The following ARK2C variants were observed in gnomAD, a reference collection of about 807,000 sequenced individuals.
ARK2C encodes the protein arkadia (RNF111) C-terminal like ring finger ubiquitin ligase 2C.
At chr18:46,393,477 G>A in the ARK2C span, among the ~76,000 whole-genome samples, 1 of 152,158 alleles carries the variant, frequency 6.6e-6, no homozygotes, top group Non-Finnish European at 1.5e-5. Flanking sequence ...AAATGGGGCT[G>A]GGAGGCTTCC....
the ARK2C span, chr18:46,450,930 C>T: frequency 3.0e-6 from 2 of 671,754 alleles, no homozygotes; most frequent in South Asian, 1.8e-5. Flanking sequence ...GTTAGATGCT[C>T]TAAAGCTGTA....
At chr18:46,372,079 A>C in the ARK2C span, among the ~76,000 whole-genome samples, 6 of 152,160 alleles carry the variant, frequency 3.9e-5, no homozygotes, top group African/African-American at 1.4e-4. Context: ...GAAGAAAGGG[A>C]CTGGCATCCA....
At chr18:46,462,084 T>G in the ARK2C span, 1 of 152,346 alleles carries the variant, frequency 6.6e-6, no homozygotes, top group Non-Finnish European at 1.5e-5. Flanking sequence ...TGCGTCTCCC[T>G]CTGCCTTTGC....
chr18:46,388,504 GAC>G, the ARK2C span, among the ~76,000 whole-genome samples: 1 of 152,160 alleles, frequency 6.6e-6, no homozygotes, highest in African/African-American at 2.4e-5. Flanking sequence ...CGGGCAGCAA[GAC>G]ACACACAACT....
the ARK2C span, among the ~76,000 whole-genome samples, chr18:46,393,615 G>C: frequency 4.6e-5 from 7 of 152,116 alleles, no homozygotes; most frequent in Admixed American, 3.3e-4. Flanking sequence ...AGACCACTAA[G>C]GTCTAAGGTC....
the ARK2C span, among the ~76,000 whole-genome samples, chr18:46,384,173 G>T: frequency 6.6e-6 from 1 of 152,196 alleles, no homozygotes; most frequent in African/African-American, 2.4e-5. Flanking sequence ...CCCCGGCCGT[G>T]CTTCCAGCCC....
the ARK2C span, among the ~76,000 whole-genome samples, chr18:46,405,413 G>A: frequency 2.0e-5 from 3 of 152,284 alleles, no homozygotes; most frequent in East Asian, 5.8e-4. Flanking sequence ...CAGACAGACA[G>A]TGGGAACAGT....
At chr18:46,388,479 C>T in the ARK2C span, among the ~76,000 whole-genome samples, 6 of 152,148 alleles carry the variant, frequency 3.9e-5, no homozygotes, top group Non-Finnish European at 7.4e-5. Context: ...GGGACCTGCA[C>T]GTTTAGCAGG....
chr18:46,389,379 T>C, the ARK2C span, among the ~76,000 whole-genome samples: 7 of 152,340 alleles, frequency 4.6e-5, no homozygotes, highest in East Asian at 1.3e-3. Flanking sequence ...CTGGATAAAG[T>C]CCCACTGGAC....
the ARK2C span, among the ~76,000 whole-genome samples, chr18:46,394,341 G>T: frequency 5.3e-5 from 8 of 152,334 alleles, no homozygotes; most frequent in East Asian, 1.5e-3. Flanking sequence ...GACAGAGAGA[G>T]CTCCCTCCTT....
the ARK2C span, among the ~76,000 whole-genome samples, chr18:46,363,246 C>T: frequency 8.5e-4 from 130 of 152,304 alleles, no homozygotes; most frequent in Middle Eastern, 6.8e-3. Context: ...GGGCTTTGAA[C>T]GGGACCCTGA....
At chr18:46,349,004 G>C in the ARK2C span, among the ~76,000 whole-genome samples, 1 of 151,842 alleles carries the variant, frequency 6.6e-6, no homozygotes, top group Non-Finnish European at 1.5e-5. Flanking sequence ...GGGAATGCTA[G>C]CCTGGGAACT....
At chr18:46,399,469 G>A in the ARK2C span, among the ~76,000 whole-genome samples, 1 of 152,218 alleles carries the variant, frequency 6.6e-6, no homozygotes, top group Non-Finnish European at 1.5e-5. Flanking sequence ...GACCTCCTGT[G>A]AGGAGCCGGT....
the ARK2C span, among the ~76,000 whole-genome samples, chr18:46,345,552 C>A: frequency 6.6e-6 from 1 of 152,220 alleles, no homozygotes; most frequent in African/African-American, 2.4e-5. Flanking sequence ...ACCTGGGGAG[C>A]ATCTGGCTGG....
the ARK2C span, among the ~76,000 whole-genome samples, chr18:46,443,306 C>G: frequency 6.6e-6 from 1 of 151,838 alleles, no homozygotes; most frequent in African/African-American, 2.4e-5. Context: ...ATAGTCATAC[C>G]ACTTTATTTT....
the ARK2C span, chr18:46,447,840 A>T: frequency 2.5e-5 from 21 of 849,006 alleles, no homozygotes; most frequent in Non-Finnish European, 3.6e-5. Context: ...GACCCAGCTC[A>T]CCTGTGTATC....
the ARK2C span, among the ~76,000 whole-genome samples, chr18:46,387,870 C>T: frequency 2.0e-5 from 3 of 152,240 alleles, no homozygotes; most frequent in Non-Finnish European, 4.4e-5. Context: ...TGCAGGGCAA[C>T]GCAGGCTGCC....
the ARK2C span, among the ~76,000 whole-genome samples, chr18:46,361,605 T>C: frequency 2.0e-5 from 3 of 152,226 alleles, no homozygotes; most frequent in Non-Finnish European, 2.9e-5. Context: ...TTGATCCTTG[T>C]TAATGTTCTT....
At chr18:46,431,316 A>C in the ARK2C span, among the ~76,000 whole-genome samples, 1 of 152,182 alleles carries the variant, frequency 6.6e-6, no homozygotes, top group African/African-American at 2.4e-5. Context: ...TGTTCATGCC[A>C]AAGAGTAGGT....
Sources: gnomAD v4.1 joint callset for allele counts (sites outside exome capture counted in the v4.1 genomes callset) on GRCh38, gnomAD v4.1.1 for gene constraint, MANE v1.5 for transcripts, NCBI Gene and HGNC (gene_info 2026-07-23, HGNC 2026-07-21) for gene names.